The following PCDHA5 variants were observed in gnomAD, a reference collection of about 807,000 sequenced individuals.
The protein encoded by PCDHA5 is protocadherin alpha 5, also known as protocadherin alpha-5.
PCDHA5 carries 43 observed loss-of-function variants against 61.6 expected under a neutral mutation model. The ratio of observed to expected loss-of-function variants is 0.70; its 90% CI spans 0.55 to 0.90. The LOEUF (loss-of-function observed/expected upper bound fraction) is 0.90, where lower values mean the gene tolerates loss of function less well. PCDHA5 is among the 40% of genes least tolerant of loss of function. The pLI, the probability that PCDHA5 is intolerant of heterozygous loss-of-function variation, is 0.00. For synonymous variants in PCDHA5, 627 were observed against 543.9 expected (o/e 1.15, Z -2.13); for missense variants, 1,298 against 1,222.7 (o/e 1.06, Z -0.92).
intron 1 of PCDHA5, among the ~76,000 whole-genome samples, chr5:140,908,375 G>C (rs922545563): frequency 6.6e-6 from 1 of 152,174 alleles, no homozygotes; most frequent in Non-Finnish European, 1.5e-5. Context: ...TTCAGGACCT[G>C]CTCGAGCCCG....
chr5:140,847,155 T>C lies in PCDHA5; in HGVS notation c.2352+23028T>C. On this transcript the variant is annotated intron_variant, in intron 1 of 3. Transcript: ENST00000529859. ...ACCAATGTAAGAAGATCTCTTGATT[T>C]CTGAGTAATAAACTAAAGGGCCATG... is the stretch of plus-strand genomic sequence containing the variant. Among the ~76,000 whole-genome samples, 2 of 149,582 alleles carry C rather than the reference T, an allele frequency of 1.3e-5. 1 individual carries two copies. The highest frequency in any genetic ancestry group is 3.0e-5 in the Non-Finnish European group (2 of 66,904).
intron 1 of PCDHA5, chr5:140,966,556 A>C (rs2096021446): frequency 8.5e-6 from 4 of 469,720 alleles, no homozygotes; most frequent in Admixed American, 8.7e-5. Context: ...CGAGCGGAGG[A>C]GCTGGAATAT....
chr5:140,836,309 A>T, intron 1 of PCDHA5: 1 of 1,613,652 alleles, frequency 6.2e-7, no homozygotes, highest in Non-Finnish European at 8.5e-7. Context: ...AGACGGACGC[A>T]CCGCGCCACC....
At chr5:140,970,082 G>C (rs1203003794) in intron 1 of PCDHA5, among the ~76,000 whole-genome samples, 1 of 152,178 alleles carries the variant, frequency 6.6e-6, no homozygotes, top group Non-Finnish European at 1.5e-5. Context: ...TGGATTAGGG[G>C]TGTGGGGGGA....
chr5:140,879,184 T>C (rs1368886985), intron 1 of PCDHA5, among the ~76,000 whole-genome samples: 1 of 152,136 alleles, frequency 6.6e-6, no homozygotes, highest in Admixed American at 6.5e-5. Flanking sequence ...TATCAAGTAA[T>C]GGAGACTTAA....
intron 1 of PCDHA5, chr5:140,967,059 C>A (rs2153750398): frequency 6.2e-7 from 1 of 1,612,750 alleles, no homozygotes; most frequent in Non-Finnish European, 8.5e-7. Context: ...ACGAGTGGAG[C>A]GCTCTTCGTC....
At chr5:140,848,285 C>T in intron 1 of PCDHA5, 1 of 617,022 alleles carries the variant, frequency 1.6e-6, no homozygotes. Flanking sequence ...TGTACTTACA[C>T]TTTGGGCCAC....
chr5:140,833,327 C>T (rs1482387019), intron 1 of PCDHA5, among the ~76,000 whole-genome samples: 2 of 152,096 alleles, frequency 1.3e-5, no homozygotes, highest in Non-Finnish European at 2.9e-5. Flanking sequence ...CCATTGGGAA[C>T]ATTGGAGTGA....
chr5:140,871,130 A>T, intron 1 of PCDHA5: 1 of 1,613,360 alleles, frequency 6.2e-7, no homozygotes, highest in Non-Finnish European at 8.5e-7. Context: ...CAGGCGCCAA[A>T]GGCCTCTTCC....
chr5:140,927,917 TC>T (rs1554205257), intron 1 of PCDHA5: 2 of 1,614,182 alleles, frequency 1.2e-6, no homozygotes, highest in Non-Finnish European at 8.5e-7. Flanking sequence ...GAACTGGACT[TC>T]CTGACTCTTT....
chr5:140,891,602 T>G (rs1002471186), intron 1 of PCDHA5, among the ~76,000 whole-genome samples: 16 of 152,184 alleles, frequency 1.1e-4, no homozygotes, highest in Non-Finnish European at 1.8e-4. Context: ...TCCCATCTAT[T>G]TCTACCTTTT....
chr5:140,943,719 T>C (rs1198620937), intron 1 of PCDHA5, among the ~76,000 whole-genome samples: 2 of 152,126 alleles, frequency 1.3e-5, no homozygotes, highest in Non-Finnish European at 2.9e-5. Context: ...TTTAAAGGTC[T>C]GAGAGAATGA....
intron 1 of PCDHA5, chr5:140,828,334 T>C (rs2150154149): frequency 1.9e-6 from 3 of 1,614,224 alleles, no homozygotes; most frequent in East Asian, 4.5e-5. Context: ...ATCTGCAGAA[T>C]GGCATTTTGT....
Position 140,858,553 on chromosome 5 carries a change from G to A in PCDHA5, c.2352+34426G>A, listed in dbSNP as rs782150802. 10 of 1,392,490 alleles carry A rather than the reference G, an allele frequency of 7.2e-6. 2 individuals are homozygous for A. In the South Asian group the frequency reaches 1.1e-4, roughly 16 times the overall value. The allele number at this position is 1,392,490 out of a possible 1,614,324, so 86.3% of individuals were successfully genotyped here. ...TTTTGTCTACATTCCATTTATGCTT[G>A]AATATTTCTAGTGATACCTTTGTAA... On this transcript the variant is annotated intron_variant, in intron 1 of 3. Coordinates refer to ENST00000529859, the MANE Select transcript of PCDHA5 (RefSeq NM_018908.3).
intron 1 of PCDHA5, among the ~76,000 whole-genome samples, chr5:140,880,869 G>A (rs1017640769): frequency 2.0e-5 from 3 of 152,064 alleles, no homozygotes; most frequent in Non-Finnish European, 4.4e-5. Context: ...TATGTGAAGA[G>A]GTAAATAAAG....
At chr5:140,877,656 C>G (rs782196097) in intron 1 of PCDHA5, 6 of 1,613,560 alleles carry the variant, frequency 3.7e-6, no homozygotes, top group Non-Finnish European at 5.1e-6. Flanking sequence ...CGCCGCCCAC[C>G]GTGAGCCGGT....
chr5:140,923,566 C>T lies in PCDHA5; in HGVS notation c.2353-55383C>T, dbSNP rs149499154. ...AAATGAAATATCAGCAATGAAAGGT[C>T]CTGCTAAAGAGAAGGTTTGTTAATT... On this transcript the variant is annotated intron_variant, in intron 1 of 3. Coordinates refer to ENST00000529859, the MANE Select transcript of PCDHA5 (RefSeq NM_018908.3). 8.1e-3 allele frequency among the ~76,000 whole-genome samples: 1,228 copies of T among 152,208 alleles called. 6 individuals carry two copies. The highest frequency in any genetic ancestry group is 0.019 in the African/African-American group (794 of 41,538).
At chr5:140,884,046 A>G (rs781965939) in intron 1 of PCDHA5, 6 of 1,613,474 alleles carry the variant, frequency 3.7e-6, no homozygotes, top group Non-Finnish European at 5.1e-6. Flanking sequence ...GTGGTGGCGA[A>G]GGTGCGCGCG....
At position 140,822,289 on chromosome 5, in the gene PCDHA5, A is replaced by T; in HGVS notation, c.514A>T (p.Asn172Tyr). The change falls in exon 1 of 4, where the codon AAT (asparagine) becomes TAT (tyrosine). Residue 172 changes from asparagine to tyrosine, a missense_variant. Physicochemically the swap from Asn to Tyr is moderately radical, Grantham distance 143. Transcript: ENST00000529859. Reference sequence around the variant, plus strand: ...AAATGCACAATTGAGATACAGGTTAAATCCAAACGAATATTTTGACTTAGA... The same window carrying T: ...AAATGCACAATTGAGATACAGGTTATATCCAAACGAATATTTTGACTTAGA... ...GANAQLRYRL[N>Y]PNEYFDLDVK... The T allele has an allele frequency of 1.2e-6, 2 of 1,614,240 alleles. No individual in the cohort carries two copies. The highest frequency in any genetic ancestry group is 1.7e-5 in the Admixed American group (1 of 60,036).
Sources: gnomAD v4.1 joint callset for allele counts (sites outside exome capture counted in the v4.1 genomes callset) on GRCh38, gnomAD v4.1.1 for gene constraint, MANE v1.5 for transcripts, NCBI Gene and HGNC (gene_info 2026-07-23, HGNC 2026-07-21) for gene names.